DIAPH3: variants seen among roughly 807,000 people sequenced by gnomAD.
DIAPH3 encodes the protein diaphanous related formin 3, also known as protein diaphanous homolog 3.
DIAPH3 carries 117 observed loss-of-function variants against 144.3 expected under a neutral mutation model. The observed-to-expected ratio is 0.81, with a 90% confidence interval of 0.70 to 0.95. The LOEUF (loss-of-function observed/expected upper bound fraction) is 0.95. DIAPH3 is among the 40% of genes least tolerant of loss of function. The pLI is 0.00. For missense variants in DIAPH3, 1,421 were observed against 1,412.7 expected (o/e 1.01, Z -0.09); for synonymous variants, 519 against 488.9 (o/e 1.06, Z -0.81).
chr13:59,833,065 A>C (rs764090592), intron 24 of DIAPH3, 42 bp downstream of exon 24: 1 of 1,464,682 alleles, frequency 6.8e-7, no homozygotes. Context: ...ATAAGATAGT[A>C]TAAATAAAAA....
intron 4 of DIAPH3, among the ~76,000 whole-genome samples, chr13:60,058,514 T>C (rs1037658058): frequency 6.6e-6 from 1 of 152,046 alleles, no homozygotes; most frequent in Non-Finnish European, 1.5e-5. Context: ...AGATGTACCA[T>C]TCGATCCAGC....
chr13:60,072,974 T>C (rs755367325), intron 4 of DIAPH3, among the ~76,000 whole-genome samples: 4 of 152,170 alleles, frequency 2.6e-5, no homozygotes, highest in Non-Finnish European at 4.4e-5. Context: ...TTTGTGTATT[T>C]TCTACAATGA....
chr13:59,823,597 T>C (rs1172879333), intron 24 of DIAPH3, among the ~76,000 whole-genome samples: 1 of 152,154 alleles, frequency 6.6e-6, no homozygotes, highest in African/African-American at 2.4e-5. Context: ...CACTCGACCA[T>C]AGGACTTGTA....
intron 25 of DIAPH3, among the ~76,000 whole-genome samples, chr13:59,803,068 G>A (rs547372131): frequency 1.6e-4 from 25 of 152,314 alleles, no homozygotes; most frequent in African/African-American, 6.0e-4. Flanking sequence ...GGTTTATGTT[G>A]ATTAGTGGAG....
chr13:59,873,677 CTTTTTT>C (rs57461813), intron 21 of DIAPH3, among the ~76,000 whole-genome samples: 4 of 128,914 alleles, frequency 3.1e-5, no homozygotes, highest in East Asian at 2.1e-4. Flanking sequence ...ACCACTTTTT[CTTTTTT>C]TTTTTTTTTT....
intron 21 of DIAPH3, among the ~76,000 whole-genome samples, chr13:59,868,713 TC>T (rs1186980630): frequency 2.6e-5 from 4 of 152,162 alleles, no homozygotes; most frequent in Non-Finnish European, 4.4e-5. Flanking sequence ...TCTCACCTAT[TC>T]ATTCCTTCCT....
At chr13:59,984,479 G>A (rs930904393) in intron 12 of DIAPH3, among the ~76,000 whole-genome samples, 2 of 151,452 alleles carry the variant, frequency 1.3e-5, no homozygotes, top group South Asian at 2.1e-4. Flanking sequence ...TAGATTTCAT[G>A]TTGTCATTAC....
intron 20 of DIAPH3, among the ~76,000 whole-genome samples, chr13:59,890,805 A>G (rs1178813048): frequency 2.0e-5 from 3 of 151,956 alleles, no homozygotes; most frequent in Non-Finnish European, 4.4e-5. Context: ...AGGCTATGTA[A>G]ATAGTATGTA....
chr13:59,832,065 T>G (rs1481748522), intron 24 of DIAPH3, among the ~76,000 whole-genome samples: 1 of 151,856 alleles, frequency 6.6e-6, no homozygotes, highest in Non-Finnish European at 1.5e-5. Context: ...TAAGCCATAT[T>G]GCTTTACAAA....
At chr13:59,760,707 A>G (rs2037533461) in intron 27 of DIAPH3, among the ~76,000 whole-genome samples, 1 of 152,192 alleles carries the variant, frequency 6.6e-6, no homozygotes, top group Admixed American at 6.5e-5. Context: ...AAATGTTGTC[A>G]GACTTTTTTA....
At chr13:59,947,743 A>C (rs2140420703) in intron 17 of DIAPH3, among the ~76,000 whole-genome samples, 1 of 152,082 alleles carries the variant, frequency 6.6e-6, no homozygotes, top group South Asian at 2.1e-4. Flanking sequence ...TAAAAAAAAA[A>C]AACAAACAAA....
intron 25 of DIAPH3, among the ~76,000 whole-genome samples, chr13:59,802,399 TTAA>T (rs2039948256): frequency 6.6e-6 from 1 of 151,746 alleles, no homozygotes; most frequent in Non-Finnish European, 1.5e-5. Context: ...ACAATTATCA[TTAA>T]TTTTATCAAT....
At chr13:59,919,880 A>T (rs2140280269) in intron 18 of DIAPH3, among the ~76,000 whole-genome samples, 1 of 152,220 alleles carries the variant, frequency 6.6e-6, no homozygotes, top group South Asian at 2.1e-4. Context: ...CAATATGGAA[A>T]GATGTGAGTT....
intron 5 of DIAPH3, among the ~76,000 whole-genome samples, chr13:60,021,932 T>C (rs1197466414): frequency 1.3e-5 from 2 of 152,202 alleles, no homozygotes; most frequent in Admixed American, 1.3e-4. Flanking sequence ...TGGATCTTCT[T>C]TAACTCCTTT....
chr13:59,949,951 T>C (rs557350240), intron 17 of DIAPH3, among the ~76,000 whole-genome samples: 2 of 152,272 alleles, frequency 1.3e-5, no homozygotes, highest in South Asian at 4.1e-4. Flanking sequence ...TGTACTCCCA[T>C]GGAAGTAACC....
chr13:59,860,286 TAA>T (rs1165390116), intron 22 of DIAPH3, among the ~76,000 whole-genome samples: 1 of 151,538 alleles, frequency 6.6e-6, no homozygotes, highest in African/African-American at 2.4e-5. Context: ...AAAAAGAAAA[TAA>T]AGAGGTTATA....
intron 2 of DIAPH3, among the ~76,000 whole-genome samples, chr13:60,115,542 G>A (rs183899248): frequency 3.1e-4 from 47 of 152,058 alleles, no homozygotes; most frequent in African/African-American, 1.1e-3. Flanking sequence ...TATAGTGTGC[G>A]GTACAGTTAA....
At chr13:59,765,136 AT>A (rs2037805696) in intron 27 of DIAPH3, among the ~76,000 whole-genome samples, 2 of 152,170 alleles carry the variant, frequency 1.3e-5, no homozygotes, top group Non-Finnish European at 2.9e-5. Flanking sequence ...AAAATTCTCC[AT>A]AGTCTTAATT....
At chr13:59,670,989 C>A (rs1373107550) in intron 27 of DIAPH3, among the ~76,000 whole-genome samples, 3 of 152,156 alleles carry the variant, frequency 2.0e-5, no homozygotes, top group Middle Eastern at 3.2e-3. Flanking sequence ...AGCCACTGTG[C>A]CTGCTGACCC....
Sources: allele counts gnomAD v4.1 joint callset (sites outside exome capture counted in the v4.1 genomes callset), GRCh38; gene constraint gnomAD v4.1.1; transcripts MANE v1.5; gene names NCBI Gene and HGNC (gene_info 2026-07-23, HGNC 2026-07-21).